The following RTTN variants were observed in gnomAD, a reference collection of about 807,000 sequenced individuals.
RTTN encodes rotatin.
RTTN carries 182 observed loss-of-function variants against 269.2 expected under a neutral mutation model. That is an observed-to-expected ratio of 0.68 (90% CI 0.60 to 0.76). RTTN has a LOEUF of 0.76. Ranked by LOEUF, RTTN falls within the 30% of genes least tolerant of loss-of-function variation. The pLI is 0.00. For synonymous variants in RTTN, 1,006 were observed against 963.5 expected (o/e 1.04, Z -0.82); for missense variants, 2,545 against 2,608.6 (o/e 0.98, Z 0.53).
Position 70,128,218 on chromosome 18 carries a change from G to C in RTTN, c.3143+140C>G, listed in dbSNP as rs2059914613. 4.7e-6 allele frequency: 3 copies of C among 637,962 alleles called. No homozygotes were observed. In the East Asian group the frequency reaches 8.4e-5, roughly 18 times the overall value. The allele number at this position is 637,962 out of a possible 1,614,324, so 39.5% of individuals were successfully genotyped here. ...AAACACATGTAATATTTAAAAGAAAGTAAAAATTATAACTGTTAAAAAGCA... is the reference window on the plus strand; with the variant it reads ...AAACACATGTAATATTTAAAAGAAACTAAAAATTATAACTGTTAAAAAGCA... On this transcript the variant is annotated intron_variant, in intron 24 of 48. Transcript: ENST00000640769.
At chr18:70,199,354 C>G in intron 5 of RTTN, 60 bp downstream of exon 5, 1 of 1,097,530 alleles carries the variant, frequency 9.1e-7, no homozygotes, top group Non-Finnish European at 1.4e-6. Flanking sequence ...ATTGTAATAA[C>G]TATCAAACTT....
At position 70,065,851 on chromosome 18, in the gene RTTN, G is replaced by A; in HGVS notation, c.4725C>T (p.Ser1575=). 1 of 1,600,222 alleles carries A rather than the reference G, an allele frequency of 6.2e-7. No homozygotes were observed. The highest frequency in any genetic ancestry group is 1.1e-5 in the South Asian group (1 of 88,626). ...VQSTTLLPEA[S]HDQFVAQGHQ... is the part of the protein sequence containing the mutation. ...TACCTTGAGCCACAAACTGGTCATG[G>A]GAGGCTTCAGGTAGAAGTGTTGTTG... Residue 1575 remains serine, a synonymous_variant, in exon 35 of 49, where the codon TCC becomes TCT. Coordinates refer to ENST00000640769, the MANE Select transcript of RTTN (RefSeq NM_173630.4).
At chr18:70,046,638 A>G (rs1057019974) in intron 40 of RTTN, among the ~76,000 whole-genome samples, 3 of 152,154 alleles carry the variant, frequency 2.0e-5, no homozygotes, top group African/African-American at 4.8e-5. Flanking sequence ...TTTGTTTTCA[A>G]CTAAGAAAAT....
chr18:70,127,653 A>C lies in RTTN; in HGVS notation c.3232T>G (p.Ser1078Ala), dbSNP rs1185381431. 1.3e-5 allele frequency: 21 copies of C among 1,613,538 alleles called. 1 individual carries two copies. In the East Asian group the frequency reaches 4.7e-4, roughly 36 times the overall value. The part of the protein sequence containing the change: ...MASGLQDCLH[S>A]IVQAATHREV... ...CTGTGGGTTGCAGCCTGAACAATGGAATGGAGGCAGTCCTGCAGCCCACTA... is the reference window on the plus strand; with the variant it reads ...CTGTGGGTTGCAGCCTGAACAATGGCATGGAGGCAGTCCTGCAGCCCACTA... Residue 1078 changes from serine to alanine, a missense_variant, in exon 25 of 49, where the codon TCC (serine) becomes GCC (alanine). Physicochemically the swap from Ser to Ala is moderately conservative, Grantham distance 99. Coordinates refer to ENST00000640769, the MANE Select transcript of RTTN (RefSeq NM_173630.4).
intron 40 of RTTN, among the ~76,000 whole-genome samples, chr18:70,035,959 C>T (rs986029264): frequency 1.3e-5 from 2 of 152,256 alleles, no homozygotes; most frequent in South Asian, 2.1e-4. Flanking sequence ...AAAAGCTCAA[C>T]ATCACTGATC....
chr18:70,070,296 G>T (rs534925661), intron 34 of RTTN, among the ~76,000 whole-genome samples: 36 of 152,226 alleles, frequency 2.4e-4, no homozygotes, highest in Non-Finnish European at 4.0e-4. Flanking sequence ...TTAGACTCTG[G>T]ATAATCCACA....
At chr18:70,063,094 G>C (rs1048863556) in intron 35 of RTTN, among the ~76,000 whole-genome samples, 2 of 151,860 alleles carry the variant, frequency 1.3e-5, no homozygotes, top group Non-Finnish European at 2.9e-5. Context: ...TTTTTATATT[G>C]CTGGAGATAA....
chr18:70,107,012 T>C (rs1031210006), intron 28 of RTTN, among the ~76,000 whole-genome samples: 5 of 152,210 alleles, frequency 3.3e-5, no homozygotes, highest in African/African-American at 9.6e-5. Context: ...TCAGACAGTT[T>C]ATTACCTACA....
At chr18:70,166,768 A>G (rs2060998137) in intron 13 of RTTN, 151 bp downstream of exon 13, 1 of 591,978 alleles carries the variant, frequency 1.7e-6, no homozygotes, top group Non-Finnish European at 3.0e-6. Context: ...AGCTGTACAT[A>G]TACCCTTTAA....
At chr18:70,188,333 CTCTT>C (rs2061594378) in intron 9 of RTTN, 110 bp from the exon 10 acceptor site, 5 of 635,882 alleles carry the variant, frequency 7.9e-6, no homozygotes, top group African/African-American at 1.8e-5. Context: ...CCAACATTTT[CTCTT>C]TTTTTCTAAT....
chr18:70,164,099 T>C (rs1391898928), intron 14 of RTTN, among the ~76,000 whole-genome samples: 1 of 152,154 alleles, frequency 6.6e-6, no homozygotes, highest in Non-Finnish European at 1.5e-5. Flanking sequence ...TTAATGACTA[T>C]AAAGTTTCAA....
chr18:70,136,999 G>T (rs1247569560), intron 21 of RTTN, among the ~76,000 whole-genome samples: 1 of 152,050 alleles, frequency 6.6e-6, no homozygotes, highest in Non-Finnish European at 1.5e-5. Flanking sequence ...ACACAATACT[G>T]TAATATACAG....
chr18:70,016,257 A>C (rs1200434023), intron 46 of RTTN, among the ~76,000 whole-genome samples: 2 of 152,222 alleles, frequency 1.3e-5, no homozygotes, highest in African/African-American at 4.8e-5. Context: ...AAAACCCTTG[A>C]TTTCACAGAA....
At chr18:70,198,757 TA>T (rs746047692) in intron 5 of RTTN, among the ~76,000 whole-genome samples, 6 of 152,216 alleles carry the variant, frequency 3.9e-5, no homozygotes, top group Non-Finnish European at 8.8e-5. Context: ...TTTTGAAATA[TA>T]TTCTGCCAAA....
chr18:70,059,785 C>A (rs2057923836), intron 36 of RTTN, 65 bp downstream of exon 36: 2 of 1,074,810 alleles, frequency 1.9e-6, no homozygotes, highest in South Asian at 2.2e-5. Flanking sequence ...TGTATCAAGT[C>A]ATGAATACAG....
At chr18:70,187,018 G>GT (rs113373583) in intron 10 of RTTN, among the ~76,000 whole-genome samples, 7 of 152,092 alleles carry the variant, frequency 4.6e-5, no homozygotes, top group African/African-American at 7.2e-5. Context: ...CTAAATAAAA[G>GT]TTTTTTAGAA....
intron 40 of RTTN, among the ~76,000 whole-genome samples, chr18:70,043,690 A>G (rs959291388): frequency 1.3e-5 from 2 of 152,358 alleles, no homozygotes; most frequent in Admixed American, 6.5e-5. Context: ...GTACATGGTA[A>G]AACTGAAATC....
chr18:70,039,609 C>A (rs893252961), intron 40 of RTTN, among the ~76,000 whole-genome samples: 4 of 152,180 alleles, frequency 2.6e-5, no homozygotes, highest in Non-Finnish European at 5.9e-5. Context: ...AAGAAGAAAT[C>A]ATCTGATGTT....
chr18:70,050,415 G>A (rs2057626072), intron 39 of RTTN, among the ~76,000 whole-genome samples: 1 of 152,152 alleles, frequency 6.6e-6, no homozygotes, highest in Admixed American at 6.5e-5. Context: ...TCAAAAGTCA[G>A]GAAACAACAG....
Sources: allele counts gnomAD v4.1 joint callset (sites outside exome capture counted in the v4.1 genomes callset), GRCh38; gene constraint gnomAD v4.1.1; transcripts MANE v1.5; gene names NCBI Gene and HGNC (gene_info 2026-07-23, HGNC 2026-07-21).